Variants in FRMD4A observed in about 807,000 individuals in gnomAD.
FRMD4A encodes FERM domain containing 4A, also known as FERM domain-containing protein 4A.
In FRMD4A, 29 loss-of-function variants were observed where a neutral mutation model predicts 129.1. The ratio of observed to expected loss-of-function variants is 0.22; its 90% CI spans 0.17 to 0.31. The LOEUF is 0.31. Among genes scored for constraint, FRMD4A ranks in the 10% least tolerant of loss-of-function variants. The pLI, the probability that FRMD4A is intolerant of heterozygous loss-of-function variation, is 1.00. For synonymous variants in FRMD4A, 634 were observed against 571.6 expected (o/e 1.11, Z -1.56); for missense variants, 1,272 against 1,375.8 (o/e 0.92, Z 1.19).
intron 2 of FRMD4A, among the ~76,000 whole-genome samples, chr10:14,000,670 A>AG (rs2095639412): frequency 7.5e-6 from 1 of 133,280 alleles, no homozygotes; most frequent in African/African-American, 2.6e-5. Context: ...AAAAAAAAAG[A>AG]GAAGAAAGCT....
chr10:13,927,519 G>A, intron 2 of FRMD4A, among the ~76,000 whole-genome samples: 1 of 152,132 alleles, frequency 6.6e-6, no homozygotes, highest in South Asian at 2.1e-4. Flanking sequence ...GATTCAAGTG[G>A]TTTCTGCCTT....
intron 2 of FRMD4A, among the ~76,000 whole-genome samples, chr10:14,027,930 G>A (rs1833058220): frequency 6.6e-6 from 1 of 152,062 alleles, no homozygotes; most frequent in African/African-American, 2.4e-5. Context: ...TTTAGTGAAT[G>A]ATATGAGCCA....
chr10:13,947,113 T>C (rs2095337626), intron 2 of FRMD4A, among the ~76,000 whole-genome samples: 1 of 152,072 alleles, frequency 6.6e-6, no homozygotes, highest in Admixed American at 6.6e-5. Context: ...AAAGGAAGAA[T>C]TGCATTAGCC....
intron 2 of FRMD4A, among the ~76,000 whole-genome samples, chr10:14,280,226 C>CTT (rs1308785109): frequency 6.6e-6 from 1 of 152,162 alleles, no homozygotes; most frequent in Admixed American, 6.5e-5. Flanking sequence ...GCCCTGGAAC[C>CTT]TTTGCTTGGT....
chr10:13,826,583 A>G (rs1219609421), intron 3 of FRMD4A, among the ~76,000 whole-genome samples: 3 of 152,074 alleles, frequency 2.0e-5, no homozygotes, highest in Non-Finnish European at 2.9e-5. Flanking sequence ...TTTAAGTTGG[A>G]AGTTCCCTAA....
At chr10:13,838,193 A>G (rs1471442424) in intron 3 of FRMD4A, among the ~76,000 whole-genome samples, 1 of 151,248 alleles carries the variant, frequency 6.6e-6, no homozygotes, top group Non-Finnish European at 1.5e-5. Context: ...GGCTCAAGCC[A>G]TCCTGCCTCA....
chr10:14,226,186 A>T (rs1843429640), intron 2 of FRMD4A, among the ~76,000 whole-genome samples: 2 of 152,096 alleles, frequency 1.3e-5, no homozygotes, highest in Non-Finnish European at 2.9e-5. Context: ...CACATGTGCC[A>T]TGGTGGTTTG....
intron 17 of FRMD4A, 45 bp downstream of exon 17, chr10:13,670,361 C>T (rs756743037): frequency 2.5e-6 from 4 of 1,596,566 alleles, no homozygotes; most frequent in Non-Finnish European, 3.4e-6. Flanking sequence ...ATGGGAAAAA[C>T]AAGGATAACA....
chr10:13,954,517 A>C (rs550303063), intron 2 of FRMD4A, among the ~76,000 whole-genome samples: 41 of 152,294 alleles, frequency 2.7e-4, no homozygotes, highest in Admixed American at 3.3e-4. Context: ...ACACATGGGA[A>C]TTGTGGGAGC....
chr10:14,069,639 T>C (rs1330873269), intron 2 of FRMD4A, among the ~76,000 whole-genome samples: 2 of 152,202 alleles, frequency 1.3e-5, no homozygotes, highest in African/African-American at 2.4e-5. Context: ...TTAAAATATA[T>C]ATTTTCTGAT....
chr10:13,896,393 A>C (rs913580068), intron 2 of FRMD4A, among the ~76,000 whole-genome samples: 1 of 152,228 alleles, frequency 6.6e-6, no homozygotes, highest in African/African-American at 2.4e-5. Flanking sequence ...GCTGGAAGCC[A>C]TCATTCTCAG....
rs535423754 is a variant in FRMD4A, at chr10:13,888,055, G to A, written c.46-29143C>T. 1.9e-3 allele frequency among the ~76,000 whole-genome samples: 285 copies of A among 152,294 alleles called. 1 individual carries two copies. Among genetic ancestry groups the A allele is most frequent in the African/African-American group, 6.2e-3 (257 of 41,562 alleles). On this transcript the variant is annotated intron_variant, in intron 2 of 24. Transcript: ENST00000357447. ...AACCGTCTGGCCTTTGTGTGCAATCGTGACTCCAAAGCCCAAAGTTCCAAG... is the reference window on the plus strand; with the variant it reads ...AACCGTCTGGCCTTTGTGTGCAATCATGACTCCAAAGCCCAAAGTTCCAAG...
chr10:13,698,788 A>G (rs560706780), intron 14 of FRMD4A, among the ~76,000 whole-genome samples: 2 of 152,204 alleles, frequency 1.3e-5, no homozygotes, highest in African/African-American at 2.4e-5. Flanking sequence ...GAGGCCTCCA[A>G]TTCCCACATA....
At chr10:14,301,260 C>T (rs575401161) in intron 2 of FRMD4A, among the ~76,000 whole-genome samples, 1 of 152,132 alleles carries the variant, frequency 6.6e-6, no homozygotes, top group Non-Finnish European at 1.5e-5. Context: ...TGTATCGTTC[C>T]CCTGGAATAA....
intron 2 of FRMD4A, among the ~76,000 whole-genome samples, chr10:14,239,952 A>G (rs184956610): frequency 1.1e-3 from 164 of 152,344 alleles, no homozygotes; most frequent in Admixed American, 1.8e-3. Context: ...AAAGTAAGTA[A>G]CAGGGTCCTT....
intron 2 of FRMD4A, chr10:14,326,555 A>G: frequency 9.9e-6 from 3 of 302,108 alleles, no homozygotes; most frequent in Non-Finnish European, 1.8e-5. Flanking sequence ...CTTAATTTGC[A>G]TTATTTATTA....
chr10:14,190,102 T>C (rs1842271787), intron 2 of FRMD4A, among the ~76,000 whole-genome samples: 1 of 152,206 alleles, frequency 6.6e-6, no homozygotes, highest in African/African-American at 2.4e-5. Flanking sequence ...GACACTACCC[T>C]TTGACTAAGA....
chr10:13,663,332 G>C, intron 19 of FRMD4A, 121 bp downstream of exon 19: 1 of 661,120 alleles, frequency 1.5e-6, no homozygotes, highest in Non-Finnish European at 2.7e-6. Flanking sequence ...AGCTTGCAGG[G>C]AGCCCAGCTG....
rs1176065130 is a variant in FRMD4A, at chr10:13,796,510, T to A, written c.285A>T (p.Leu95Phe). Residue 95 changes from leucine to phenylalanine, a missense_variant, in exon 5 of 25, where the codon TTA becomes TTT. Around this residue, in one of 2 missense-constraint regions of FRMD4A, gnomAD observed 300 missense variants for 483.6 expected, o/e 0.62. Transcript: ENST00000357447. ...GGTGTACATACCTGACACAAAAGTA[T>A]AAAACCACGGGTCCTGACTTTTTAG... ...DFPKKSGPVVLYFCVRFYIES... is the reference protein window; with the variant it reads ...DFPKKSGPVVFYFCVRFYIES... The A allele has an allele frequency of 6.4e-7, 1 of 1,569,788 alleles. No homozygotes were observed. Among genetic ancestry groups the A allele is most frequent in the Non-Finnish European group, 8.8e-7 (1 of 1,139,666 alleles).
Sources: allele counts gnomAD v4.1 joint callset (sites outside exome capture counted in the v4.1 genomes callset), GRCh38; gene constraint gnomAD v4.1.1; regional missense constraint gnomAD v4.1.1; transcripts MANE v1.5; gene names NCBI Gene and HGNC (gene_info 2026-07-23, HGNC 2026-07-21).